Variants in ASIC2 observed in about 807,000 individuals in gnomAD.
ASIC2 encodes the protein acid-sensing ion channel 2.
ASIC2 carries 25 observed loss-of-function variants against 57.3 expected under a neutral mutation model. That is an observed-to-expected ratio of 0.44 (90% CI 0.32 to 0.61). ASIC2 has a LOEUF of 0.61. Among genes scored for constraint, ASIC2 ranks in the 20% least tolerant of loss-of-function variants. The pLI is 0.06. For missense variants in ASIC2, 641 were observed against 738.1 expected, an observed-to-expected ratio of 0.87 and a Z score of 1.52; for synonymous variants, 319 against 307.5, an observed-to-expected ratio of 1.04 and a Z score of -0.39.
chr17:33,674,712 T>C (rs1312068612), intron 1 of ASIC2, among the ~76,000 whole-genome samples: 1 of 152,220 alleles, frequency 6.6e-6, no homozygotes, highest in African/African-American at 2.4e-5. Context: ...AACAAATCCA[T>C]GCCGCTCGTT....
chr17:33,769,522 C>A (rs1911034111), intron 1 of ASIC2, among the ~76,000 whole-genome samples: 2 of 152,220 alleles, frequency 1.3e-5, no homozygotes, highest in Non-Finnish European at 2.9e-5. Context: ...ACAGGGGACC[C>A]AGAGGTAAAT....
intron 1 of ASIC2, among the ~76,000 whole-genome samples, chr17:33,186,025 G>T (rs574531992): frequency 6.6e-6 from 1 of 152,156 alleles, no homozygotes; most frequent in Non-Finnish European, 1.5e-5. Context: ...TTAGGTGAGT[G>T]CAAAAGTAAT....
intron 3 of ASIC2, among the ~76,000 whole-genome samples, chr17:33,039,137 G>A (rs762664871): frequency 6.6e-6 from 1 of 152,178 alleles, no homozygotes; most frequent in Non-Finnish European, 1.5e-5. Flanking sequence ...ATATCCACCT[G>A]GCTCACCTGA....
At chr17:33,307,771 T>C (rs567184592) in intron 1 of ASIC2, among the ~76,000 whole-genome samples, 18 of 152,274 alleles carry the variant, frequency 1.2e-4, no homozygotes, top group African/African-American at 4.1e-4. Context: ...TTTCCTTATT[T>C]GAAAAATGGA....
intron 1 of ASIC2, among the ~76,000 whole-genome samples, chr17:33,829,115 G>A (rs887584718): frequency 1.3e-5 from 2 of 152,190 alleles, no homozygotes; most frequent in Admixed American, 6.5e-5. Context: ...TCCAGCCTAT[G>A]CACTGGAGAG....
At chr17:33,696,904 A>T (rs1297481589) in intron 1 of ASIC2, among the ~76,000 whole-genome samples, 2 of 152,152 alleles carry the variant, frequency 1.3e-5, no homozygotes, top group Non-Finnish European at 2.9e-5. Flanking sequence ...CCCTTCCCAA[A>T]TCTCATATTG....
At chr17:33,422,714 T>C (rs912794859) in intron 1 of ASIC2, among the ~76,000 whole-genome samples, 25 of 152,130 alleles carry the variant, frequency 1.6e-4, no homozygotes, top group Admixed American at 6.6e-5. Context: ...TAATGCCTCT[T>C]TTTTCCTCTC....
At chr17:33,480,810 G>C (rs1913379839) in intron 1 of ASIC2, among the ~76,000 whole-genome samples, 1 of 152,024 alleles carries the variant, frequency 6.6e-6, no homozygotes, top group African/African-American at 2.4e-5. Context: ...CACTCTCAAG[G>C]CCACACCTTG....
intron 1 of ASIC2, among the ~76,000 whole-genome samples, chr17:33,734,758 C>G (rs1282258505): frequency 6.6e-6 from 1 of 152,094 alleles, no homozygotes; most frequent in Non-Finnish European, 1.5e-5. Flanking sequence ...GAGAAAAGAC[C>G]ATTTGAGGGC....
intron 1 of ASIC2, among the ~76,000 whole-genome samples, chr17:34,106,314 ACAGT>A (rs1349904237): frequency 1.3e-5 from 2 of 152,118 alleles, no homozygotes; most frequent in African/African-American, 2.4e-5. Flanking sequence ...CTTTTAACTG[ACAGT>A]CAGTATATGA....
At chr17:33,055,462 G>T (rs545034222) in intron 3 of ASIC2, among the ~76,000 whole-genome samples, 9 of 152,266 alleles carry the variant, frequency 5.9e-5, no homozygotes, top group Non-Finnish European at 1.2e-4. Context: ...ACATTCCTAT[G>T]TTATGGCTGA....
chr17:34,011,465 T>C (rs1371769060), intron 1 of ASIC2, among the ~76,000 whole-genome samples: 2 of 152,084 alleles, frequency 1.3e-5, no homozygotes, highest in South Asian at 2.1e-4. Flanking sequence ...CATAGCCCAA[T>C]GTCTTTAACC....
In ASIC2 at chr17:33,341,951, A is replaced by G. The variant is rs1401792351; in HGVS notation, c.556-229884T>C. Among the ~76,000 whole-genome samples, 4 of 152,310 alleles carry G rather than the reference A, an allele frequency of 2.6e-5. No individual in the cohort carries two copies. The East Asian group carries it at 7.7e-4, about 29-fold the overall frequency. ...ACATCTCTTGAGATGAATGCTCCCCACCCACTCCTGAACAAATAAATAGCA... is the reference window on the plus strand; with the variant it reads ...ACATCTCTTGAGATGAATGCTCCCCGCCCACTCCTGAACAAATAAATAGCA... On this transcript the variant is annotated intron_variant, in intron 1 of 9. Transcript: ENST00000359872.
At chr17:33,526,768 C>T (rs1422580924) in intron 1 of ASIC2, among the ~76,000 whole-genome samples, 1 of 151,976 alleles carries the variant, frequency 6.6e-6, no homozygotes, top group East Asian at 1.9e-4. Flanking sequence ...CACCCCTTCT[C>T]CTCCCCTCCC....
At chr17:33,253,414 G>A (rs1908952880) in intron 1 of ASIC2, among the ~76,000 whole-genome samples, 1 of 152,174 alleles carries the variant, frequency 6.6e-6, no homozygotes, top group East Asian at 1.9e-4. Context: ...GGAGTTATAG[G>A]AGCTAGACCA....
In ASIC2 at chr17:33,748,293, G is replaced by A. The variant is rs114864263; in HGVS notation, c.555+407685C>T. Among the ~76,000 whole-genome samples, 457 of 152,232 alleles carry A rather than the reference G, an allele frequency of 3.0e-3. 2 individuals are homozygous for A. Among genetic ancestry groups the A allele is most frequent in the African/African-American group, 0.011 (440 of 41,526 alleles). On this transcript the variant is annotated intron_variant, in intron 1 of 9. Transcript: ENST00000359872. ...CTCCCATGCAAACTGCCACCTCCCA[G>A]GTCTGGAGATGTGGAATCTTGAACC...
chr17:33,162,939 C>T (rs1905203141), intron 1 of ASIC2, among the ~76,000 whole-genome samples: 1 of 152,156 alleles, frequency 6.6e-6, no homozygotes. Context: ...TTTATGAATC[C>T]CTTTTATACC....
chr17:33,384,130 G>A (rs1411624992), intron 1 of ASIC2, among the ~76,000 whole-genome samples: 4 of 152,206 alleles, frequency 2.6e-5, no homozygotes, highest in African/African-American at 7.2e-5. Context: ...TTGTCCCAAA[G>A]TGGTTCATGT....
chr17:33,133,311 T>C (rs1180064384), intron 1 of ASIC2, among the ~76,000 whole-genome samples: 1 of 152,108 alleles, frequency 6.6e-6, no homozygotes. Context: ...AGGGGTGCTC[T>C]GGGAGCAGTG....
Sources: gnomAD v4.1 joint callset for allele counts (sites outside exome capture counted in the v4.1 genomes callset) on GRCh38, gnomAD v4.1.1 for gene constraint, MANE v1.5 for transcripts, NCBI Gene and HGNC (gene_info 2026-07-23, HGNC 2026-07-21) for gene names.